Variants in PDE7A observed in about 807,000 individuals in gnomAD.
The protein encoded by PDE7A is high affinity 3',5'-cyclic-AMP phosphodiesterase 7A.
A neutral mutation model predicts 64.3 loss-of-function variants in PDE7A; 39 were observed. The observed-to-expected ratio is 0.61, with a 90% CI of 0.47 to 0.79. The LOEUF is 0.79. PDE7A is among the 30% of genes least tolerant of loss of function. PDE7A has a pLI of 0.00. For synonymous variants in PDE7A, 203 were observed against 206.8 expected (o/e 0.98, Z 0.16); for missense variants, 470 against 582.8 (o/e 0.81, Z 1.99).
At chr8:65,740,326 A>G (rs11993375) in intron 5 of PDE7A, among the ~76,000 whole-genome samples, 8,457 of 152,166 alleles carry the variant, frequency 0.056, 705 homozygotes, top group African/African-American at 0.18. Context: ...TAAACTTTCA[A>G]CATACTTAGT....
chr8:65,792,491 CCATA>C (rs1023494095), intron 1 of PDE7A, among the ~76,000 whole-genome samples: 7 of 152,242 alleles, frequency 4.6e-5, no homozygotes, highest in African/African-American at 1.7e-4. Context: ...CTTTAGCTAT[CCATA>C]CAGAGACTCG....
Position 65,724,319 on chromosome 8 carries a change from T to A in PDE7A, c.1098A>T (p.Pro366=). 1 of 1,612,904 alleles carries A rather than the reference T, an allele frequency of 6.2e-7. No homozygotes were observed. The highest frequency in any genetic ancestry group is 8.5e-7 in the Non-Finnish European group (1 of 1,179,142). Residue 366 remains proline (P), a synonymous_variant, in exon 11 of 13, where the codon CCA becomes CCT. Transcript: ENST00000401827. Reference sequence around the variant, plus strand: ...GCTTGCTTAATTCCCACGTCCGACATGGGTTACAAATATCAGCACATTTCA... The same window carrying A: ...GCTTGCTTAATTCCCACGTCCGACAAGGGTTACAAATATCAGCACATTTCA... The part of the protein sequence containing the change: ...MALKCADICN[P]CRTWELSKQW...
chr8:65,815,237 G>A (rs1030953122), intron 1 of PDE7A, among the ~76,000 whole-genome samples: 9 of 151,998 alleles, frequency 5.9e-5, no homozygotes, highest in African/African-American at 1.7e-4. Flanking sequence ...CCCAGCTTTC[G>A]AGAGTTTAAA....
At chr8:65,785,062 A>G (rs1434830800) in intron 1 of PDE7A, among the ~76,000 whole-genome samples, 1 of 152,122 alleles carries the variant, frequency 6.6e-6, no homozygotes, top group Non-Finnish European at 1.5e-5. Context: ...CAAAAGAACT[A>G]CCCAAAACAT....
chr8:65,751,977 C>T (rs989607273), intron 3 of PDE7A, among the ~76,000 whole-genome samples: 2 of 152,172 alleles, frequency 1.3e-5, no homozygotes, highest in African/African-American at 4.8e-5. Context: ...TTCTATCATA[C>T]AGATGAATCA....
At chr8:65,793,261 G>C (rs1180973120) in intron 1 of PDE7A, among the ~76,000 whole-genome samples, 1 of 152,122 alleles carries the variant, frequency 6.6e-6, no homozygotes, top group African/African-American at 2.4e-5. Flanking sequence ...ATTAGATCTT[G>C]TCTTGTTCCA....
intron 6 of PDE7A, among the ~76,000 whole-genome samples, chr8:65,736,578 C>CTTG (rs768171946): frequency 5.2e-4 from 79 of 152,002 alleles, no homozygotes; most frequent in South Asian, 2.1e-3. Flanking sequence ...TTAGCAAGAC[C>CTTG]TTGTCCCTAC....
intron 11 of PDE7A, 134 bp downstream of exon 11, chr8:65,724,121 T>C: frequency 5.2e-6 from 3 of 580,554 alleles, no homozygotes; most frequent in Non-Finnish European, 9.2e-6. Context: ...TAGATGTATA[T>C]CTATTGTGAA....
chr8:65,730,506 C>T (rs533950095), intron 7 of PDE7A, among the ~76,000 whole-genome samples: 2 of 152,122 alleles, frequency 1.3e-5, no homozygotes, highest in Admixed American at 6.5e-5. Context: ...GAATCTAATG[C>T]CTGATGATCT....
intron 1 of PDE7A, among the ~76,000 whole-genome samples, chr8:65,806,381 A>T (rs1473632245): frequency 1.3e-5 from 2 of 152,182 alleles, no homozygotes; most frequent in Non-Finnish European, 2.9e-5. Flanking sequence ...GGGGAGTGCT[A>T]TTGAGTATAG....
chr8:65,798,206 A>ATATATATATATATATATATATATT, intron 1 of PDE7A, among the ~76,000 whole-genome samples: 3 of 73,808 alleles, frequency 4.1e-5, no homozygotes, highest in East Asian at 3.7e-4. Flanking sequence ...ATATATATAT[A>ATATATATATATATATATATATATT]TTTTTTTTTT....
At chr8:65,747,362 C>T (rs1807720948) in intron 4 of PDE7A, among the ~76,000 whole-genome samples, 1 of 152,146 alleles carries the variant, frequency 6.6e-6, no homozygotes, top group Admixed American at 6.5e-5. Flanking sequence ...CCCAGCATTA[C>T]AATTCTGTGA....
chr8:65,803,684 G>T (rs971212879), intron 1 of PDE7A, among the ~76,000 whole-genome samples: 2 of 151,990 alleles, frequency 1.3e-5, no homozygotes, highest in African/African-American at 4.8e-5. Flanking sequence ...GTACAAAATA[G>T]CATAACATTA....
intron 3 of PDE7A, among the ~76,000 whole-genome samples, chr8:65,754,963 AAAAAAT>A (rs1286074612): frequency 2.6e-5 from 4 of 151,508 alleles, no homozygotes; most frequent in Admixed American, 6.6e-5. Flanking sequence ...GACTCCCTCA[AAAAAAT>A]AAAAATAAAA....
chr8:65,816,164 T>C (rs1411471650), intron 1 of PDE7A, among the ~76,000 whole-genome samples: 6 of 152,178 alleles, frequency 3.9e-5, no homozygotes, highest in East Asian at 1.9e-4. Flanking sequence ...TATCAGTACA[T>C]AAAACCCACA....
intron 8 of PDE7A, 61 bp downstream of exon 8, chr8:65,727,109 A>G: frequency 8.6e-7 from 1 of 1,166,812 alleles, no homozygotes; most frequent in Non-Finnish European, 1.3e-6. Flanking sequence ...CATTTCTTCA[A>G]AATATGAAAG....
chr8:65,806,635 C>T (rs75113715), intron 1 of PDE7A, among the ~76,000 whole-genome samples: 8,695 of 152,230 alleles, frequency 0.057, 358 homozygotes, highest in Middle Eastern at 0.11. Flanking sequence ...TTAGGCTGTC[C>T]CTTGGCACCT....
chr8:65,828,561 C>G (rs1461597039), intron 1 of PDE7A, among the ~76,000 whole-genome samples: 2 of 152,058 alleles, frequency 1.3e-5, no homozygotes, highest in Non-Finnish European at 2.9e-5. Flanking sequence ...AACCTGTATA[C>G]ATATATCTTA....
rs3833687 is a variant in PDE7A at position 65,724,978 on chromosome 8, A to AT, written c.921-58dup. ...AAGACTTTCAATTAACTATTTATTG[A>AT]TTTTTTTTCTTAACCATAATAATCG... On this transcript the variant is annotated intron_variant, in intron 9 of 12. Coordinates refer to ENST00000401827, the MANE Select transcript of PDE7A (RefSeq NM_001242318.3). 4.3e-5 allele frequency: 50 copies of AT among 1,168,710 alleles called. No homozygotes were observed. The Middle Eastern group carries it at 6.1e-4, about 14-fold the overall frequency. The allele number at this position is 1,168,710 out of a possible 1,614,324, so 72.4% of individuals were successfully genotyped here.
Sources: gnomAD v4.1 joint callset for allele counts (sites outside exome capture counted in the v4.1 genomes callset) on GRCh38, gnomAD v4.1.1 for gene constraint, MANE v1.5 for transcripts, NCBI Gene and HGNC (gene_info 2026-07-23, HGNC 2026-07-21) for gene names.